The following SUN1 variants were observed in gnomAD, a reference collection of about 807,000 sequenced individuals.
SUN1 encodes Sad1 and UNC84 domain containing 1, also known as SUN domain-containing protein 1.
In SUN1, 61 loss-of-function variants were observed where a neutral mutation model predicts 103.2. The observed-to-expected ratio is 0.59, with a 90% CI of 0.48 to 0.73. SUN1 has a LOEUF of 0.73. SUN1 is among the 30% of genes least tolerant of loss of function. The probability of loss-of-function intolerance (pLI) is 0.00; values close to 1 mark genes in which losing one functional copy is unlikely to be tolerated. For synonymous variants in SUN1, 490 were observed against 425.7 expected (o/e 1.15, Z -1.86); for missense variants, 1,052 against 1,034.6 (o/e 1.02, Z -0.23).
intron 5 of SUN1, among the ~76,000 whole-genome samples, chr7:847,539 C>T (rs1359991919): frequency 2.6e-5 from 2 of 75,848 alleles, no homozygotes; most frequent in African/African-American, 5.4e-5. Context: ...GGGGTTACCC[C>T]GCAGTCCAGT....
At chr7:833,606 C>G (rs1442949297) in intron 1 of SUN1, among the ~76,000 whole-genome samples, 1 of 152,078 alleles carries the variant, frequency 6.6e-6, no homozygotes, top group Admixed American at 6.6e-5. Flanking sequence ...CCACCGTGCC[C>G]GGTCTCAGTG....
rs777252332 is a variant in SUN1, at chr7:874,223, A to G, written c.*892A>G. On this transcript the variant is annotated 3_prime_UTR_variant, in exon 19 of 19. Transcript: ENST00000401592. ...GCCGTCTGGTGTGTCAGGGTCACGA[A>G]CCCGTTACATTTCAGGACGATCCTT... 10 of 152,482 alleles carry G rather than the reference A, an allele frequency of 6.6e-5. No homozygotes were observed. Among genetic ancestry groups the G allele is most frequent in the Non-Finnish European group, 1.3e-4 (9 of 68,034 alleles). The allele number at this position is 152,482 out of a possible 1,614,324, so 9.4% of individuals were successfully genotyped here. A position where few individuals can be genotyped will look rare whatever the true frequency, so the allele number is the denominator to read the frequency against.
rs10238415 is a variant in SUN1 at position 820,426 on chromosome 7, C to G, written c.-74+3753C>G. Among the ~76,000 whole-genome samples the G allele has an allele frequency of 1.0e-2, 1,520 of 152,234 alleles. 15 individuals carry two copies. The highest frequency in any genetic ancestry group is 0.034 in the Middle Eastern group (10 of 294). ...AACTGACTTTTTATTGATCTTGTAT[C>G]CTGAAACTTTGCTGAGTTTGCTTGT... is the stretch of plus-strand genomic sequence containing the variant. On this transcript the variant is annotated intron_variant, in intron 1 of 17. Coordinates refer to the SUN1 transcript ENST00000389574.
At chr7:860,896 A>G (rs1239476063) in intron 14 of SUN1, among the ~76,000 whole-genome samples, 3 of 152,196 alleles carry the variant, frequency 2.0e-5, no homozygotes, top group Non-Finnish European at 4.4e-5. Context: ...TCCCGAGACT[A>G]TCACGAGAAC....
chr7:866,132 C>T lies in SUN1; in HGVS notation c.1980+65C>T, dbSNP rs1330640062. The T allele has an allele frequency of 3.2e-5, 45 of 1,385,904 alleles. No homozygotes were observed. In the East Asian group the frequency reaches 8.1e-4, roughly 25 times the overall value. 85.9% of individuals were successfully genotyped at this position (1,385,904 alleles called of 1,614,324 possible). On this transcript the variant is annotated intron_variant, in intron 16 of 18. Transcript: ENST00000401592. ...ATGGACTCGGTTAGTGTTCACGGGT[C>T]GTAGGTCCACAGCTCCATGGAACTT...
chr7:828,930 C>T (rs1029810969), upstream of SUN1, among the ~76,000 whole-genome samples: 1 of 152,230 alleles, frequency 6.6e-6, no homozygotes, highest in African/African-American at 2.4e-5. Context: ...TTCTCAGCAT[C>T]CTGCACAAAG....
chr7:833,511 A>T (rs1311559922), intron 1 of SUN1, among the ~76,000 whole-genome samples: 1 of 151,960 alleles, frequency 6.6e-6, no homozygotes, highest in Non-Finnish European at 1.5e-5. Context: ...GGGTTTCACC[A>T]TGTGGACCAG....
intron 1 of SUN1, among the ~76,000 whole-genome samples, chr7:825,089 T>C (rs976007859): frequency 3.2e-4 from 48 of 152,224 alleles, no homozygotes; most frequent in African/African-American, 9.6e-4. Flanking sequence ...GGCGGAGTCT[T>C]GCTCGGTCAC....
chr7:818,465 C>A (rs143956600), intron 1 of SUN1, among the ~76,000 whole-genome samples: 1 of 152,180 alleles, frequency 6.6e-6, no homozygotes, highest in Non-Finnish European at 1.5e-5. Flanking sequence ...GCTGTTTGCA[C>A]CTGTTGGCTA....
At chr7:845,784 C>A (rs1350516297) in intron 5 of SUN1, among the ~76,000 whole-genome samples, 1 of 152,152 alleles carries the variant, frequency 6.6e-6, no homozygotes, top group Non-Finnish European at 1.5e-5. Flanking sequence ...CTGGGGGAAC[C>A]ACTGCTAATG....
At chr7:832,456 G>T (rs745652699), upstream of SUN1, 4 of 1,508,006 alleles carry the variant, frequency 2.7e-6, no homozygotes, top group African/African-American at 4.1e-5. Context: ...GAATGCGCTC[G>T]ATTTCCTGCC....
chr7:851,734 G>C (rs1822369216), intron 6 of SUN1: 2 of 626,696 alleles, frequency 3.2e-6, no homozygotes, highest in Admixed American at 5.8e-5. Context: ...AGAATGCATG[G>C]ATCTGGGGCT....
chr7:835,032 C>T (rs1402676867), intron 1 of SUN1, among the ~76,000 whole-genome samples: 1 of 152,184 alleles, frequency 6.6e-6, no homozygotes, highest in African/African-American at 2.4e-5. Flanking sequence ...GCTGAGATCG[C>T]GCCACTGCAG....
At chr7:845,435 A>G (rs1192853458) in intron 5 of SUN1, among the ~76,000 whole-genome samples, 2 of 152,206 alleles carry the variant, frequency 1.3e-5, no homozygotes, top group Non-Finnish European at 2.9e-5. Context: ...TGTGCGGCCC[A>G]CACTAGTGTA....
At chr7:830,939 C>G (rs1797364078), upstream of SUN1, 33 of 985,422 alleles carry the variant, frequency 3.3e-5, no homozygotes, top group Non-Finnish European at 4.0e-5. Flanking sequence ...CAGAGCAGGC[C>G]TGCGCACCTC....
chr7:828,254 GT>G (rs66586867), upstream of SUN1, among the ~76,000 whole-genome samples: 5 of 141,122 alleles, frequency 3.5e-5, no homozygotes, highest in African/African-American at 1.3e-4. Context: ...TTTTGTTTTT[GT>G]TTTTGTTTTT....
chr7:851,709 G>A, intron 6 of SUN1: 2 of 629,192 alleles, frequency 3.2e-6, no homozygotes, highest in South Asian at 2.0e-5. Context: ...CCGGCTGCCT[G>A]AATGCCCGGT....
chr7:835,976 T>C (rs1185321492), intron 1 of SUN1, among the ~76,000 whole-genome samples: 1 of 152,150 alleles, frequency 6.6e-6, no homozygotes, highest in African/African-American at 2.4e-5. Flanking sequence ...CAGATGCTGC[T>C]GGACAGGCGG....
In SUN1 at chr7:869,362, C is replaced by CAGGG; in HGVS notation, c.1994_1995insAGGG (p.Asn667ArgfsTer2). On this transcript the variant is annotated frameshift_variant, in exon 17 of 19. Transcript: ENST00000401592. LOFTEE classifies it high-confidence loss of function. ...TCCTTTCCCCAGCCTGACATTTACC[C>CAGGG]CGGTAACTGCTGGGCATTTAAAGGC... 1 of 1,613,596 alleles carries CAGGG rather than the reference C, an allele frequency of 6.2e-7. No homozygotes were observed. The highest frequency in any genetic ancestry group is 8.5e-7 in the Non-Finnish European group (1 of 1,179,702).
Sources: allele counts gnomAD v4.1 joint callset (sites outside exome capture counted in the v4.1 genomes callset), GRCh38; gene constraint gnomAD v4.1.1; transcripts MANE v1.5; gene names NCBI Gene and HGNC (gene_info 2026-07-23, HGNC 2026-07-21).